Variants in HS6ST3 observed in about 807,000 individuals in gnomAD.
HS6ST3 encodes the protein heparan-sulfate 6-O-sulfotransferase 3.
Under a neutral mutation model 36.7 loss-of-function variants are expected in HS6ST3, and 12 were observed. That is an observed-to-expected ratio of 0.33 (90% confidence interval 0.21 to 0.53). HS6ST3 has a LOEUF of 0.53. Ranked by LOEUF, HS6ST3 falls within the 20% of genes least tolerant of loss-of-function variation. The pLI is 0.95. For synonymous variants in HS6ST3, 240 were observed against 257.5 expected, an observed-to-expected ratio of 0.93 and a Z score of 0.65; for missense variants, 584 against 640.9, an observed-to-expected ratio of 0.91 and a Z score of 0.96.
intron 1 of HS6ST3, among the ~76,000 whole-genome samples, chr13:96,443,908 C>A (rs907800879): frequency 6.6e-6 from 1 of 152,164 alleles, no homozygotes; most frequent in African/African-American, 2.4e-5. Context: ...ATTGTCGGTC[C>A]TGATACTGGA....
At position 96,542,042 on chromosome 13, in the gene HS6ST3, T is replaced by C. The variant is rs568206022; in HGVS notation, c.708-290448T>C. Among the ~76,000 whole-genome samples, 40 of 152,324 alleles carry C rather than the reference T, an allele frequency of 2.6e-4. No homozygotes were observed. The South Asian group carries it at 8.1e-3, about 31-fold the overall frequency. ...AGCACTTTTACCTCCTGTGTATTAG[T>C]TATGCATATCTACAGATCTGAAACC... On this transcript the variant is annotated intron_variant, in intron 1 of 1. Transcript: ENST00000376705.
intron 1 of HS6ST3, among the ~76,000 whole-genome samples, chr13:96,643,670 C>A (rs751510003): frequency 8.6e-5 from 13 of 151,810 alleles, no homozygotes; most frequent in Non-Finnish European, 1.8e-4. Context: ...CAAGTACCAA[C>A]AGCCCTGTGA....
intron 1 of HS6ST3, among the ~76,000 whole-genome samples, chr13:96,655,106 G>T (rs999015684): frequency 1.3e-5 from 2 of 152,080 alleles, no homozygotes; most frequent in African/African-American, 4.8e-5. Context: ...GAGCCCTTAG[G>T]GCATTGTTAA....
intron 1 of HS6ST3, among the ~76,000 whole-genome samples, chr13:96,121,112 T>C (rs2053923580): frequency 1.3e-5 from 2 of 152,224 alleles, no homozygotes; most frequent in Non-Finnish European, 2.9e-5. Context: ...TTTGCATACC[T>C]ATCTGAAAAA....
At chr13:96,100,437 A>G (rs1477777750) in intron 1 of HS6ST3, among the ~76,000 whole-genome samples, 2 of 152,182 alleles carry the variant, frequency 1.3e-5, no homozygotes, top group Non-Finnish European at 2.9e-5. Context: ...TTGGACCTCA[A>G]GGTACCTTGC....
intron 1 of HS6ST3, among the ~76,000 whole-genome samples, chr13:96,619,130 T>C (rs2138993455): frequency 6.6e-6 from 1 of 152,274 alleles, no homozygotes; most frequent in East Asian, 1.9e-4. Flanking sequence ...ATTACAGTAA[T>C]TGAACAGAAT....
chr13:96,508,999 A>C (rs1457517281), intron 1 of HS6ST3, among the ~76,000 whole-genome samples: 1 of 152,132 alleles, frequency 6.6e-6, no homozygotes, highest in Non-Finnish European at 1.5e-5. Flanking sequence ...TTCTCCCTGC[A>C]TCCAGGGCAA....
At chr13:96,425,396 C>T (rs1298545652) in intron 1 of HS6ST3, among the ~76,000 whole-genome samples, 2 of 152,038 alleles carry the variant, frequency 1.3e-5, no homozygotes, top group Non-Finnish European at 2.9e-5. Flanking sequence ...TCTGCCAAGT[C>T]CATATTTGGC....
At chr13:96,117,924 C>T (rs755179205) in intron 1 of HS6ST3, among the ~76,000 whole-genome samples, 23 of 150,904 alleles carry the variant, frequency 1.5e-4, no homozygotes, top group Admixed American at 4.0e-4. Context: ...GGCTGGAGTG[C>T]GGTGGCCTGA....
At chr13:96,335,590 C>T (rs1440396302) in intron 1 of HS6ST3, among the ~76,000 whole-genome samples, 3 of 152,186 alleles carry the variant, frequency 2.0e-5, no homozygotes, top group African/African-American at 7.2e-5. Flanking sequence ...GTGAATGTTT[C>T]CATGGCAATT....
intron 1 of HS6ST3, among the ~76,000 whole-genome samples, chr13:96,098,073 G>A (rs1294661436): frequency 6.6e-6 from 1 of 152,146 alleles, no homozygotes; most frequent in African/African-American, 2.4e-5. Context: ...GAGCTTATTG[G>A]ACTTATTGGA....
chr13:96,738,390 A>G (rs1360433033), intron 1 of HS6ST3, among the ~76,000 whole-genome samples: 2 of 152,204 alleles, frequency 1.3e-5, no homozygotes, highest in Non-Finnish European at 1.5e-5. Flanking sequence ...AGCTGGTTAA[A>G]GAAATTCTGA....
chr13:96,401,896 C>T (rs1414146386), intron 1 of HS6ST3, among the ~76,000 whole-genome samples: 1 of 152,160 alleles, frequency 6.6e-6, no homozygotes, highest in African/African-American at 2.4e-5. Flanking sequence ...ATCATTTAAC[C>T]TCATGCAATG....
chr13:96,542,031 C>G (rs931027358), intron 1 of HS6ST3, among the ~76,000 whole-genome samples: 1 of 152,106 alleles, frequency 6.6e-6, no homozygotes, highest in Non-Finnish European at 1.5e-5. Flanking sequence ...CTTTTACCTC[C>G]TGTGTATTAG....
intron 1 of HS6ST3, among the ~76,000 whole-genome samples, chr13:96,569,620 CT>C (rs201732964): frequency 4.6e-5 from 7 of 151,432 alleles, no homozygotes; most frequent in East Asian, 3.9e-4. Context: ...AATTGAAAAT[CT>C]TTTTTTTTCA....
chr13:96,513,176 C>A (rs375853572), intron 1 of HS6ST3, among the ~76,000 whole-genome samples: 6 of 152,080 alleles, frequency 3.9e-5, no homozygotes, highest in African/African-American at 1.4e-4. Flanking sequence ...TTCCCCCTCC[C>A]CCCTTTACTG....
intron 1 of HS6ST3, among the ~76,000 whole-genome samples, chr13:96,259,445 A>G (rs2139382153): frequency 6.6e-6 from 1 of 152,300 alleles, no homozygotes; most frequent in South Asian, 2.1e-4. Flanking sequence ...GAGCAATGGG[A>G]TAGGTCAAAA....
At chr13:96,665,417 C>G (rs960450573) in intron 1 of HS6ST3, among the ~76,000 whole-genome samples, 1 of 152,032 alleles carries the variant, frequency 6.6e-6, no homozygotes, top group Non-Finnish European at 1.5e-5. Flanking sequence ...AGGAAAATAA[C>G]TAACTCATTT....
intron 1 of HS6ST3, among the ~76,000 whole-genome samples, chr13:96,399,249 A>T (rs762756068): frequency 3.3e-5 from 5 of 152,192 alleles, no homozygotes; most frequent in Non-Finnish European, 7.4e-5. Flanking sequence ...CTAGTTTTTA[A>T]TTTTTTAAAA....
Sources: gnomAD v4.1 joint callset for allele counts (sites outside exome capture counted in the v4.1 genomes callset) on GRCh38, gnomAD v4.1.1 for gene constraint, MANE v1.5 for transcripts, NCBI Gene and HGNC (gene_info 2026-07-23, HGNC 2026-07-21) for gene names.